Variants in PTPRE observed in about 807,000 individuals in gnomAD.
The protein encoded by PTPRE is receptor-type tyrosine-protein phosphatase epsilon.
A neutral mutation model predicts 102.0 loss-of-function variants in PTPRE; 51 were observed. That is an observed-to-expected ratio of 0.50 (90% CI 0.40 to 0.63). The LOEUF (loss-of-function observed/expected upper bound fraction) is 0.63. Among genes scored for constraint, PTPRE ranks in the 30% least tolerant of loss-of-function variants. The pLI, the probability that PTPRE is intolerant of heterozygous loss-of-function variation, is 0.00. For synonymous variants in PTPRE, 345 were observed against 348.2 expected (o/e 0.99, Z 0.10); for missense variants, 752 against 915.1 (o/e 0.82, Z 2.30).
intron 1 of PTPRE, among the ~76,000 whole-genome samples, chr10:127,958,041 C>A (rs1403756230): frequency 1.3e-5 from 2 of 152,164 alleles, no homozygotes; most frequent in African/African-American, 4.8e-5. Flanking sequence ...TAACTTTATA[C>A]CCTGAAACAT....
At chr10:127,992,396 A>G (rs1852764910) in intron 2 of PTPRE, among the ~76,000 whole-genome samples, 1 of 152,146 alleles carries the variant, frequency 6.6e-6, no homozygotes, top group Non-Finnish European at 1.5e-5. Context: ...CCTCAGAAGA[A>G]ACTGAAAAGT....
At chr10:128,040,213 G>A (rs188756403) in intron 2 of PTPRE, among the ~76,000 whole-genome samples, 152 of 152,252 alleles carry the variant, frequency 1.0e-3, no homozygotes, top group African/African-American at 3.5e-3. Flanking sequence ...GGGTCAAGCT[G>A]GAGCCAGGCA....
intron 1 of PTPRE, among the ~76,000 whole-genome samples, chr10:127,976,976 G>A (rs920942833): frequency 2.0e-5 from 3 of 152,192 alleles, no homozygotes; most frequent in African/African-American, 7.2e-5. Context: ...CTGCGGTTCT[G>A]TCCATTCCCC....
chr10:128,068,499 A>G, intron 12 of PTPRE: 1 of 450,270 alleles, frequency 2.2e-6, no homozygotes, highest in Admixed American at 4.0e-5. Context: ...GATAAAACCC[A>G]CCAAAGCCAG....
chr10:128,058,492 G>C (rs1029210600), intron 7 of PTPRE, among the ~76,000 whole-genome samples: 5 of 152,210 alleles, frequency 3.3e-5, no homozygotes, highest in African/African-American at 1.2e-4. Flanking sequence ...CCGGGACTGG[G>C]GGACCAGGAC....
chr10:128,067,086 A>G (rs942673535), intron 11 of PTPRE, among the ~76,000 whole-genome samples: 2 of 151,786 alleles, frequency 1.3e-5, no homozygotes, highest in Non-Finnish European at 2.9e-5. Context: ...ACACACAGGC[A>G]CACACATGCA....
intron 6 of PTPRE, among the ~76,000 whole-genome samples, chr10:128,051,216 A>G (rs1440987963): frequency 6.6e-6 from 1 of 152,112 alleles, no homozygotes; most frequent in Non-Finnish European, 1.5e-5. Flanking sequence ...GGGGTGTCTG[A>G]GTCAGAACCA....
chr10:128,004,286 G>C (rs1854286407), intron 2 of PTPRE, among the ~76,000 whole-genome samples: 1 of 151,492 alleles, frequency 6.6e-6, no homozygotes, highest in Non-Finnish European at 1.5e-5. Flanking sequence ...CTTTATTGAG[G>C]TAAAATTCAC....
intron 10 of PTPRE, among the ~76,000 whole-genome samples, chr10:128,063,697 A>G (rs1849815529): frequency 6.6e-6 from 1 of 152,284 alleles, no homozygotes; most frequent in Admixed American, 6.5e-5. Flanking sequence ...ATTGACAAAG[A>G]AGAAAAGTTG....
chr10:128,040,730 A>T, intron 2 of PTPRE, 145 bp from the exon 3 acceptor site: 2 of 628,352 alleles, frequency 3.2e-6, no homozygotes, highest in South Asian at 3.7e-5. Context: ...CAGTGAGATG[A>T]TCCGTGAAAG....
chr10:127,964,597 A>G (rs1208643537), intron 1 of PTPRE, among the ~76,000 whole-genome samples: 1 of 151,668 alleles, frequency 6.6e-6, no homozygotes, highest in South Asian at 2.1e-4. Flanking sequence ...AACTGTGGAC[A>G]ATTCTCAATT....
chr10:128,030,755 C>G (rs900252580), intron 2 of PTPRE, among the ~76,000 whole-genome samples: 2 of 152,116 alleles, frequency 1.3e-5, no homozygotes, highest in Admixed American at 6.5e-5. Flanking sequence ...GACTCCTGGT[C>G]GCCCGCGTCC....
Position 128,040,931 on chromosome 10 carries a change from C to T in PTPRE, c.50C>T (p.Ala17Val). Reference sequence around the variant, plus strand: ...CTGGTGGGTTTTAGCTTGCCGCTCGCCAGGGCTCTCAGGGGCAACGAGACC... The same window carrying T: ...CTGGTGGGTTTTAGCTTGCCGCTCGTCAGGGCTCTCAGGGGCAACGAGACC... ...LLLVGFSLPLARALRGNETTA... is the reference protein window; with the variant it reads ...LLLVGFSLPLVRALRGNETTA... The change falls in exon 3 of 21, where the codon GCC becomes GTC. Residue 17 changes from alanine to valine, a missense_variant. By Grantham distance (64) the Ala-to-Val change is moderately conservative (BLOSUM62 0). This residue lies in a region of PTPRE where 116 missense variants were observed against 90.8 expected (regional missense o/e 1.28). Coordinates refer to ENST00000254667, the MANE Select transcript of PTPRE (RefSeq NM_006504.6). The T allele has an allele frequency of 1.2e-6, 2 of 1,614,086 alleles. No homozygotes were observed. The highest frequency in any genetic ancestry group is 8.5e-7 in the Non-Finnish European group (1 of 1,180,008).
In PTPRE at chr10:128,070,583, C is replaced by T; in HGVS notation, c.1293+133C>T. The T allele has an allele frequency of 1.6e-6, 2 of 1,280,532 alleles. No individual in the cohort carries two copies. The highest frequency in any genetic ancestry group is 1.5e-5 in the South Asian group (1 of 66,548). 79.3% of individuals were successfully genotyped at this position (1,280,532 alleles called of 1,614,324 possible). The stretch of plus-strand genomic sequence containing the variant: ...GACCTCAGAAAAAGCAGGGGCAATA[C>T]CTGAGCCATGATTTACAAGGGAAGA... On this transcript the variant is annotated intron_variant, in intron 14 of 20. Transcript: ENST00000254667. The surrounding 1 kb of genome is among the most constrained non-coding windows in gnomAD (Gnocchi z 4.8).
At chr10:127,922,155 A>G (rs551778216) in intron 1 of PTPRE, among the ~76,000 whole-genome samples, 1 of 152,368 alleles carries the variant, frequency 6.6e-6, no homozygotes, top group East Asian at 1.9e-4. Flanking sequence ...CTGAGCTGAC[A>G]GAGATCACTC....
At chr10:128,011,726 C>A (rs1325560481) in intron 2 of PTPRE, among the ~76,000 whole-genome samples, 1 of 152,220 alleles carries the variant, frequency 6.6e-6, no homozygotes, top group African/African-American at 2.4e-5. Context: ...GGGCTGTGAG[C>A]ATCCTAGGGG....
rs1051721540 is a variant in PTPRE, at chr10:128,028,265, G to A, written c.-7-12610G>A. Among the ~76,000 whole-genome samples the A allele has an allele frequency of 7.2e-5, 11 of 152,110 alleles. No homozygotes were observed. The highest frequency in any genetic ancestry group is 1.3e-4 in the Non-Finnish European group (9 of 68,018). On this transcript the variant is annotated intron_variant, in intron 2 of 20. Coordinates refer to ENST00000254667, the MANE Select transcript of PTPRE (RefSeq NM_006504.6). This position sits in a 1 kb window ranked among gnomAD's most constrained non-coding sequence, Gnocchi z 4.5. ...AAATATGGGATCCGGATCACCCTGC[G>A]CCTGTCTCCTCCCCAGTCCTTTCTG... is the stretch of plus-strand genomic sequence containing the variant.
In PTPRE at chr10:128,059,491, C is replaced by T. The variant is rs544760897; in HGVS notation, c.512-1448C>T. 1.5e-3 allele frequency among the ~76,000 whole-genome samples: 228 copies of T among 152,296 alleles called. 5 individuals are homozygous for T. The South Asian group carries it at 0.042, about 28-fold the overall frequency. On this transcript the variant is annotated intron_variant, in intron 7 of 20. Coordinates refer to ENST00000254667, the MANE Select transcript of PTPRE (RefSeq NM_006504.6). ...GGGCTGCCCGGCTCCCCATCACAAA[C>T]GCCACAAACACCACAAACACAACCC...
chr10:128,072,412 G>C, intron 16 of PTPRE, 198 bp downstream of exon 16: 1 of 499,440 alleles, frequency 2.0e-6, no homozygotes. Context: ...CAACACTTTG[G>C]GAAGCTAAGG....
Sources: gnomAD v4.1 joint callset for allele counts (sites outside exome capture counted in the v4.1 genomes callset) on GRCh38, gnomAD v4.1.1 for gene constraint, gnomAD v4.1.1 regional missense constraint, Gnocchi (gnomAD v3.1) non-coding constraint, MANE v1.5 for transcripts, NCBI Gene and HGNC (gene_info 2026-07-23, HGNC 2026-07-21) for gene names.